Variants in OVGP1 observed in about 807,000 individuals in gnomAD.
The protein encoded by OVGP1 is oviductal glycoprotein 1.
Under a neutral mutation model 48.2 loss-of-function variants are expected in OVGP1, and 26 were observed. The ratio of observed to expected loss-of-function variants is 0.54; its 90% CI spans 0.40 to 0.75. The LOEUF (loss-of-function observed/expected upper bound fraction) is 0.75, where lower values mean the gene tolerates loss of function less well. Among genes scored for constraint, OVGP1 ranks in the 30% least tolerant of loss-of-function variants. The pLI, the probability that OVGP1 is intolerant of heterozygous loss-of-function variation, is 0.00. For synonymous variants in OVGP1, 294 were observed against 305.7 expected (o/e 0.96, Z 0.40); for missense variants, 791 against 820.6 (o/e 0.96, Z 0.44).
At chr1:111,415,861 C>T (rs1652123010) in intron 10 of OVGP1, among the ~76,000 whole-genome samples, 1 of 152,114 alleles carries the variant, frequency 6.6e-6, no homozygotes, top group Non-Finnish European at 1.5e-5. Flanking sequence ...GTCGCATTAC[C>T]CATAAAATGA....
At chr1:111,424,583 T>A (rs539182737) in intron 4 of OVGP1, among the ~76,000 whole-genome samples, 2 of 152,326 alleles carry the variant, frequency 1.3e-5, no homozygotes, top group South Asian at 4.1e-4. Flanking sequence ...TTCCTGCAAG[T>A]GTTCACGGGA....
chr1:111,421,608 T>C lies in OVGP1; in HGVS notation c.674A>G (p.His225Arg), dbSNP rs1211681392. 1.2e-6 allele frequency: 2 copies of C among 1,613,442 alleles called. No homozygotes were observed. Among genetic ancestry groups the C allele is most frequent in the Admixed American group, 1.7e-5 (1 of 60,010 alleles). ...AGGCAGAGAGAAGAGGGGGCTATTA[T>C]GTCCTGTGAACCTTTCCCAACTTCC... ...LHGSWERFTG[H>R]NSPLFSLPED... Residue 225 changes from histidine (H) to arginine (R), a missense_variant, in exon 7 of 11, where the codon CAT becomes CGT. By Grantham distance (29) the His-to-Arg change is conservative. Coordinates refer to ENST00000369732, the MANE Select transcript of OVGP1 (RefSeq NM_002557.4).
In OVGP1 at chr1:111,421,434, G is replaced by C; in HGVS notation, c.745C>G (p.Leu249Val). The change falls in exon 8 of 11, where the codon CTT (leucine) becomes GTT (valine). Residue 249 changes from leucine (L) to valine (V), a missense_variant. Leu to Val is a conservative substitution (Grantham distance 32, BLOSUM62 1). Transcript: ENST00000369732. ...SAYAMNYWRK[L>V]GAPSEKLIMG... ...ATGAGCTTCTCTGAGGGTGCCCCAA[G>C]CTTTCTCCAATAATTCATAGCATAT... 6.2e-7 allele frequency: 1 copy of C among 1,611,714 alleles called. No homozygotes were observed.
chr1:111,426,350 A>T, intron 3 of OVGP1, 87 bp downstream of exon 3: 1 of 1,583,458 alleles, frequency 6.3e-7, no homozygotes, highest in Non-Finnish European at 8.6e-7. Context: ...GAAATAGAAG[A>T]AAGTTGAAGA....
intron 9 of OVGP1, among the ~76,000 whole-genome samples, chr1:111,417,098 C>T (rs1652155759): frequency 6.6e-6 from 1 of 152,108 alleles, no homozygotes; most frequent in South Asian, 2.1e-4. Flanking sequence ...TAAAGAGTTC[C>T]CATGCATAAG....
Position 111,415,271 on chromosome 1 carries a change from C to T in OVGP1, c.1230G>A (p.Arg410=). The T allele has an allele frequency of 1.2e-6, 2 of 1,614,132 alleles. No homozygotes were observed. The highest frequency in any genetic ancestry group is 1.3e-5 in the African/African-American group (1 of 75,002). Residue 410 remains arginine, a synonymous_variant, in exon 11 of 11, where the codon AGG becomes AGA. Transcript: ENST00000369732. ...TGGTCCATGCCGTGGTCACAGCCAG[C>T]CTTTCAGGGTCAGTGCTTGAAGAAT... ...AVNSSSTDPE[R]LAVTTAWTTD... is the part of the protein sequence containing the mutation.
At chr1:111,417,065 T>C (rs1652154791) in intron 9 of OVGP1, among the ~76,000 whole-genome samples, 1 of 152,250 alleles carries the variant, frequency 6.6e-6, no homozygotes, top group Admixed American at 6.5e-5. Flanking sequence ...TTATGTTACA[T>C]AGGAATGCTA....
Position 111,426,583 on chromosome 1 carries a change from A to G in OVGP1, c.114T>C (p.Pro38=), listed in dbSNP as rs2101729882. The change falls in exon 3 of 11, where the codon CCT becomes CCC. Residue 38 remains proline, a synonymous_variant. Coordinates refer to ENST00000369732, the MANE Select transcript of OVGP1 (RefSeq NM_002557.4). ...FTNWAHSRPG[P]ASILPHDLDP... is the part of the protein sequence containing the mutation. ...CCAGGTCATGGGGCAAGATCGAGGC[A>G]GGGCCTGGCCGACTGTGTGCCCAGT... The G allele has an allele frequency of 1.2e-6, 2 of 1,614,114 alleles. No homozygotes were observed. Among genetic ancestry groups the G allele is most frequent in the Non-Finnish European group, 8.5e-7 (1 of 1,180,006 alleles).
chr1:111,415,567 A>G (rs1325286985), intron 10 of OVGP1, among the ~76,000 whole-genome samples: 2 of 152,178 alleles, frequency 1.3e-5, no homozygotes, highest in Admixed American at 1.3e-4. Context: ...ACCCACAGGC[A>G]CTCAGTGGAT....
chr1:111,421,204 T>C (rs1354604348), intron 8 of OVGP1, 72 bp downstream of exon 8: 3 of 1,438,456 alleles, frequency 2.1e-6, no homozygotes, highest in Admixed American at 4.4e-5. Flanking sequence ...CCATTGCCCC[T>C]TGTCCTGGCC....
At position 111,414,959 on chromosome 1, in the gene OVGP1, A is replaced by G. The variant is rs1437522092; in HGVS notation, c.1542T>C (p.Tyr514=). 1.2e-6 allele frequency: 1 copy of G among 807,598 alleles called. No individual in the cohort carries two copies. The highest frequency in any genetic ancestry group is 1.8e-6 in the Non-Finnish European group (1 of 550,756). The allele number at this position is 807,598 out of a possible 1,614,324, so 50.0% of individuals were successfully genotyped here. A position where few individuals can be genotyped will look rare whatever the true frequency, so the allele number is the denominator to read the frequency against. The change falls in exon 11 of 11, where the codon TAT becomes TAC. Residue 514 remains tyrosine (Y), a synonymous_variant. Transcript: ENST00000369732. The stretch of plus-strand genomic sequence containing the variant: ...TCTTTTCCCCAGGGGTCACAGACTG[A>G]TAACCCACAGAGGTCAGGGTCTTCT... The part of the protein sequence containing the change: ...TGQKTLTSVG[Y]QSVTPGEKTL...
chr1:111,426,576 T>C lies in OVGP1; in HGVS notation c.121A>G (p.Ile41Val). The C allele has an allele frequency of 6.2e-7, 1 of 1,614,034 alleles. No individual in the cohort carries two copies. The highest frequency in any genetic ancestry group is 8.5e-7 in the Non-Finnish European group (1 of 1,179,982). Residue 41 changes from isoleucine (I) to valine (V), a missense_variant, in exon 3 of 11, where the codon ATC becomes GTC. Coordinates refer to ENST00000369732, the MANE Select transcript of OVGP1 (RefSeq NM_002557.4). ...WAHSRPGPAS[I>V]LPHDLDPFLC... The stretch of plus-strand genomic sequence containing the variant: ...AAGGGGTCCAGGTCATGGGGCAAGA[T>C]CGAGGCAGGGCCTGGCCGACTGTGT...
chr1:111,427,379 G>A (rs1652424045), intron 1 of OVGP1: 1 of 985,214 alleles, frequency 1.0e-6, no homozygotes, highest in African/African-American at 1.7e-5. Context: ...CTCGAGGCCA[G>A]TGGTTCTGAA....
In OVGP1 at chr1:111,416,331, A is replaced by G. The variant is rs897373011; in HGVS notation, c.1148T>C (p.Val383Ala). Reference protein sequence around the residue: ...PLVYVLNDILVRAEFSSTSLP... With the variant: ...PLVYVLNDILARAEFSSTSLP... Reference sequence around the variant, plus strand: ...AGGTCACAGCTACTTACCAGCCCGCACCAGGATATCATTCAATACGTAGAC... The same window carrying G: ...AGGTCACAGCTACTTACCAGCCCGCGCCAGGATATCATTCAATACGTAGAC... Residue 383 changes from valine (V) to alanine (A), a missense_variant, in exon 10 of 11, where the codon GTG becomes GCG. Transcript: ENST00000369732. The G allele has an allele frequency of 6.3e-6, 10 of 1,587,620 alleles. No homozygotes were observed. Among genetic ancestry groups the G allele is most frequent in the Non-Finnish European group, 8.6e-6 (10 of 1,164,856 alleles).
intron 3 of OVGP1, 170 bp from the exon 4 acceptor site, chr1:111,425,609 G>A: frequency 8.0e-7 from 1 of 1,245,294 alleles, no homozygotes; most frequent in Admixed American, 2.2e-5. Context: ...GAGCACAGGA[G>A]AGAGGAGGAA....
intron 4 of OVGP1, among the ~76,000 whole-genome samples, chr1:111,424,557 A>C (rs7554477): frequency 0.038 from 5,758 of 152,284 alleles, 372 homozygotes; most frequent in African/African-American, 0.13. Context: ...TTTTGAATAC[A>C]ACCACTTTGT....
chr1:111,425,260 G>T, intron 4 of OVGP1, 123 bp downstream of exon 4: 1 of 1,072,124 alleles, frequency 9.3e-7, no homozygotes, highest in Non-Finnish European at 1.4e-6. Context: ...AGATTCATGA[G>T]TTGGGGAAGT....
intron 8 of OVGP1, among the ~76,000 whole-genome samples, chr1:111,420,420 T>C (rs952999908): frequency 6.6e-6 from 1 of 152,294 alleles, no homozygotes; most frequent in Middle Eastern, 3.4e-3. Context: ...CTTCATTGGG[T>C]TAGAAAAACA....
At chr1:111,421,138 G>C (rs1333740032) in intron 8 of OVGP1, 138 bp downstream of exon 8, 4 of 624,862 alleles carry the variant, frequency 6.4e-6, no homozygotes, top group East Asian at 2.9e-5. Context: ...CCAGAGAGTG[G>C]GTTTCTCTTG....
Sources: gnomAD v4.1 joint callset for allele counts (sites outside exome capture counted in the v4.1 genomes callset) on GRCh38, gnomAD v4.1.1 for gene constraint, MANE v1.5 for transcripts, NCBI Gene and HGNC (gene_info 2026-07-23, HGNC 2026-07-21) for gene names.